HDAC9: variants seen among roughly 807,000 people sequenced by gnomAD.
HDAC9 encodes MEF-2 interacting transcription repressor (MITR) protein.
Under a neutral mutation model 139.4 loss-of-function variants are expected in HDAC9, and 41 were observed. That is an observed-to-expected ratio of 0.29 (90% confidence interval 0.23 to 0.38). HDAC9 has a LOEUF of 0.38. Ranked by LOEUF, HDAC9 falls within the 10% of genes least tolerant of loss-of-function variation. The pLI is 1.00. For missense variants in HDAC9, 1,147 were observed against 1,297.0 expected, an observed-to-expected ratio of 0.88 and a Z score of 1.78; for synonymous variants, 517 against 476.2, an observed-to-expected ratio of 1.09 and a Z score of -1.12.
chr7:18,291,392 C>G (rs1797798856), intron 1 of HDAC9, among the ~76,000 whole-genome samples: 1 of 151,970 alleles, frequency 6.6e-6, no homozygotes, highest in Non-Finnish European at 1.5e-5. Context: ...ATTTCTTAAC[C>G]TTTCTGTGTC....
chr7:18,435,059 CAAAAAAAAAAAA>C (rs376786180), intron 1 of HDAC9, among the ~76,000 whole-genome samples: 1 of 67,810 alleles, frequency 1.5e-5, no homozygotes, highest in Non-Finnish European at 2.6e-5. Context: ...ACTACACAGC[CAAAAAAAAAAAA>C]AAAAAAAAAA....
intron 12 of HDAC9, among the ~76,000 whole-genome samples, chr7:18,712,357 T>C (rs1784407527): frequency 1.3e-5 from 2 of 152,306 alleles, no homozygotes; most frequent in South Asian, 2.1e-4. Context: ...GGCTCTAGCA[T>C]GTGGGACTAT....
At chr7:18,470,601 G>A (rs116872368) in intron 1 of HDAC9, among the ~76,000 whole-genome samples, 57 of 152,212 alleles carry the variant, frequency 3.7e-4, no homozygotes, top group Non-Finnish European at 7.5e-4. Flanking sequence ...AAATATTTTG[G>A]GCTTTGCAGG....
At chr7:18,985,188 G>C (rs1319085161) in intron 25 of HDAC9, among the ~76,000 whole-genome samples, 1 of 151,928 alleles carries the variant, frequency 6.6e-6, no homozygotes, top group Non-Finnish European at 1.5e-5. Context: ...TCGTCATCTA[G>C]CATTAGGTAT....
chr7:18,263,719 A>G (rs1795826291), intron 2 of HDAC9, among the ~76,000 whole-genome samples: 1 of 151,270 alleles, frequency 6.6e-6, no homozygotes, highest in African/African-American at 2.4e-5. Flanking sequence ...AGCAATTCTC[A>G]TGCCCCAGCC....
At chr7:18,361,911 G>A (rs561234529) in intron 1 of HDAC9, among the ~76,000 whole-genome samples, 38 of 152,160 alleles carry the variant, frequency 2.5e-4, no homozygotes, top group African/African-American at 9.2e-4. Context: ...TCCTCCAAGT[G>A]TTCCTTATTT....
intron 6 of HDAC9, among the ~76,000 whole-genome samples, chr7:18,603,732 C>G (rs1241793723): frequency 6.6e-6 from 1 of 152,092 alleles, no homozygotes; most frequent in African/African-American, 2.4e-5. Flanking sequence ...CTTTTACCTT[C>G]ATATGCTCCT....
intron 1 of HDAC9, among the ~76,000 whole-genome samples, chr7:18,326,983 A>G (rs1218246519): frequency 6.6e-6 from 1 of 151,940 alleles, no homozygotes; most frequent in Admixed American, 6.6e-5. Flanking sequence ...TTACATCTGT[A>G]AAAGCAATTA....
chr7:18,359,593 A>T (rs369855574), intron 1 of HDAC9, among the ~76,000 whole-genome samples: 3 of 152,102 alleles, frequency 2.0e-5, no homozygotes, highest in African/African-American at 4.8e-5. Context: ...GTCTCCAGGG[A>T]CCCAGCAAGG....
intron 22 of HDAC9, among the ~76,000 whole-genome samples, chr7:18,920,508 T>C (rs1803603159): frequency 6.6e-6 from 1 of 152,172 alleles, no homozygotes. Flanking sequence ...CTGATTGCCC[T>C]GACCAGAACT....
chr7:18,164,373 T>A (rs947635866), intron 2 of HDAC9, among the ~76,000 whole-genome samples: 2 of 152,330 alleles, frequency 1.3e-5, no homozygotes, highest in East Asian at 3.9e-4. Context: ...AATAACCTGA[T>A]TGTTTGATTT....
At chr7:18,870,657 A>T (rs927061910) in intron 21 of HDAC9, among the ~76,000 whole-genome samples, 2 of 152,098 alleles carry the variant, frequency 1.3e-5, no homozygotes, top group African/African-American at 4.8e-5. Context: ...CACTAATCTT[A>T]TTTATTATCA....
intron 1 of HDAC9, among the ~76,000 whole-genome samples, chr7:18,484,817 C>T (rs556461513): frequency 6.7e-6 from 1 of 150,204 alleles, no homozygotes; most frequent in Admixed American, 6.7e-5. Flanking sequence ...TATGCTATTG[C>T]ATGGCAGTCT....
At chr7:18,429,102 A>G (rs1419625963) in intron 1 of HDAC9, 1 of 152,132 alleles carries the variant, frequency 6.6e-6, no homozygotes, top group Non-Finnish European at 1.5e-5. Flanking sequence ...CCTTATCACC[A>G]ACTAGCAAGG....
rs143100795 is a variant in HDAC9, at chr7:18,280,630, G to C, written c.25+118281G>C. Among the ~76,000 whole-genome samples the C allele has an allele frequency of 2.0e-3, 302 of 151,618 alleles. 2 individuals carry two copies. Among genetic ancestry groups the C allele is most frequent in the African/African-American group, 6.9e-3 (284 of 41,370 alleles). On this transcript the variant is annotated intron_variant, in intron 2 of 12. Coordinates refer to the HDAC9 transcript ENST00000417496. The stretch of plus-strand genomic sequence containing the variant: ...AACAAAAAAAATAGCTGGCGTGTTG[G>C]CCTGCACTTATAGTCCCAGCTACTC...
chr7:18,995,079 G>A (rs887995736), intron 25 of HDAC9, among the ~76,000 whole-genome samples: 1 of 152,136 alleles, frequency 6.6e-6, no homozygotes, highest in African/African-American at 2.4e-5. Flanking sequence ...ATTATTTACA[G>A]GTCAATTTTA....
At chr7:18,315,959 TTTC>T (rs1237856539) in intron 1 of HDAC9, among the ~76,000 whole-genome samples, 5 of 152,236 alleles carry the variant, frequency 3.3e-5, no homozygotes, top group Non-Finnish European at 7.3e-5. Flanking sequence ...CTGAGTTTTA[TTTC>T]TTCTTCTCCT....
rs933595471 is a variant in HDAC9 at position 18,412,081 on chromosome 7, G to A, written c.-41-84181G>A. Among the ~76,000 whole-genome samples, 18 of 151,998 alleles carry A rather than the reference G, an allele frequency of 1.2e-4. No individual in the cohort carries two copies. In the East Asian group the frequency reaches 3.3e-3, roughly 28 times the overall value. The stretch of plus-strand genomic sequence containing the variant: ...GACCTCAAATGATCCGCTTGCCTTA[G>A]CCTCCCAAAGTGCTGGGATTACAGG... On this transcript the variant is annotated intron_variant, in intron 1 of 3. Transcript: ENST00000413509.
intron 24 of HDAC9, among the ~76,000 whole-genome samples, chr7:18,961,332 G>A (rs1783514471): frequency 1.3e-5 from 2 of 152,162 alleles, no homozygotes; most frequent in African/African-American, 4.8e-5. Flanking sequence ...TAATTCAGAA[G>A]TAGAATTGGT....
Sources: gnomAD v4.1 joint callset for allele counts (sites outside exome capture counted in the v4.1 genomes callset) on GRCh38, gnomAD v4.1.1 for gene constraint, MANE v1.5 for transcripts, NCBI Gene and HGNC (gene_info 2026-07-23, HGNC 2026-07-21) for gene names.